The following ATRNL1 variants were observed in gnomAD, a reference collection of about 807,000 sequenced individuals.
ATRNL1 encodes attractin like 1, also known as attractin-like protein 1.
A neutral mutation model predicts 182.7 loss-of-function variants in ATRNL1; 95 were observed. The observed-to-expected ratio is 0.52, with a 90% confidence interval of 0.44 to 0.62. ATRNL1 has a LOEUF of 0.62. Ranked by LOEUF, ATRNL1 falls within the 20% of genes least tolerant of loss-of-function variation. The pLI, the probability that ATRNL1 is intolerant of heterozygous loss-of-function variation, is 0.00. For missense variants in ATRNL1, 1,471 were observed against 1,679.5 expected (o/e 0.88, Z 2.17); for synonymous variants, 576 against 568.3 (o/e 1.01, Z -0.19).
intron 26 of ATRNL1, among the ~76,000 whole-genome samples, chr10:115,700,277 G>A (rs1946691186): frequency 6.6e-6 from 1 of 152,082 alleles, no homozygotes; most frequent in South Asian, 2.1e-4. Flanking sequence ...GCTTTCCACA[G>A]TGGCTGAGCT....
At chr10:115,369,091 C>G (rs1313477097) in intron 19 of ATRNL1, among the ~76,000 whole-genome samples, 1 of 152,088 alleles carries the variant, frequency 6.6e-6, no homozygotes, top group African/African-American at 2.4e-5. Context: ...CTTATTTTCA[C>G]ATAAAATAAT....
At chr10:115,302,498 G>T (rs558235624) in intron 17 of ATRNL1, among the ~76,000 whole-genome samples, 11 of 152,124 alleles carry the variant, frequency 7.2e-5, no homozygotes, top group Non-Finnish European at 1.6e-4. Flanking sequence ...CTCATGATTA[G>T]ATTCAGGAAA....
intron 8 of ATRNL1, among the ~76,000 whole-genome samples, chr10:115,193,039 C>G (rs1848227714): frequency 6.6e-6 from 1 of 151,872 alleles, no homozygotes; most frequent in Admixed American, 6.6e-5. Flanking sequence ...TTCTTTCTTT[C>G]TATTTAGGAT....
chr10:115,663,301 C>T (rs1403455736), intron 26 of ATRNL1, among the ~76,000 whole-genome samples: 1 of 152,036 alleles, frequency 6.6e-6, no homozygotes, highest in Non-Finnish European at 1.5e-5. Flanking sequence ...CTTGAAAGCT[C>T]ATACACTAGA....
intron 25 of ATRNL1, among the ~76,000 whole-genome samples, chr10:115,523,444 T>G (rs1266094902): frequency 6.6e-6 from 1 of 152,234 alleles, no homozygotes; most frequent in East Asian, 1.9e-4. Context: ...AAAACACTCT[T>G]TCCTTCTCTG....
At chr10:115,783,373 G>A (rs72826891) in intron 27 of ATRNL1, among the ~76,000 whole-genome samples, 2,423 of 152,212 alleles carry the variant, frequency 0.016, 41 homozygotes, top group Non-Finnish European at 0.025. Context: ...AATAAAAAGA[G>A]TTCAGATTTG....
chr10:115,220,988 C>T (rs1030144412), intron 9 of ATRNL1, among the ~76,000 whole-genome samples: 40 of 152,228 alleles, frequency 2.6e-4, no homozygotes, highest in South Asian at 4.2e-4. Flanking sequence ...TATTTGCAGC[C>T]ACTCCCAAGC....
intron 8 of ATRNL1, among the ~76,000 whole-genome samples, chr10:115,205,742 A>G (rs1848771023): frequency 6.6e-6 from 1 of 152,046 alleles, no homozygotes; most frequent in African/African-American, 2.4e-5. Flanking sequence ...TTACCTCATT[A>G]CAGGTACCTT....
chr10:115,312,798 CT>C (rs782623498), intron 17 of ATRNL1, among the ~76,000 whole-genome samples: 31 of 151,938 alleles, frequency 2.0e-4, no homozygotes, highest in Admixed American at 3.9e-4. Context: ...GACTTTGTTC[CT>C]TTTTTAAATT....
At chr10:115,549,815 T>C (rs553163954) in intron 26 of ATRNL1, among the ~76,000 whole-genome samples, 1 of 152,142 alleles carries the variant, frequency 6.6e-6, no homozygotes, top group Non-Finnish European at 1.5e-5. Flanking sequence ...AAAAATTTTG[T>C]AATATATTTA....
chr10:115,869,072 G>A (rs944117519), intron 28 of ATRNL1, among the ~76,000 whole-genome samples: 12 of 151,734 alleles, frequency 7.9e-5, no homozygotes, highest in Non-Finnish European at 1.6e-4. Context: ...CTCGTGATCC[G>A]CCCGCCTCGG....
At chr10:115,648,610 T>C (rs1192840820) in intron 26 of ATRNL1, among the ~76,000 whole-genome samples, 1 of 152,088 alleles carries the variant, frequency 6.6e-6, no homozygotes, top group Non-Finnish European at 1.5e-5. Flanking sequence ...AACAGAGATA[T>C]AGACCAACGA....
chr10:115,424,837 G>T (rs2134389886), intron 20 of ATRNL1, among the ~76,000 whole-genome samples: 1 of 152,014 alleles, frequency 6.6e-6, no homozygotes, highest in Non-Finnish European at 1.5e-5. Flanking sequence ...GGGAGAGATT[G>T]GTCAATTTAT....
chr10:115,308,165 T>G (rs1554926797), intron 17 of ATRNL1, among the ~76,000 whole-genome samples: 2 of 152,174 alleles, frequency 1.3e-5, no homozygotes, highest in Admixed American at 1.3e-4. Context: ...TATTGTGATA[T>G]CATTGTTTAA....
chr10:115,357,973 T>C (rs1856574872), intron 19 of ATRNL1, among the ~76,000 whole-genome samples: 1 of 151,662 alleles, frequency 6.6e-6, no homozygotes, highest in African/African-American at 2.4e-5. Context: ...TATTCCATCT[T>C]TTCCCTCTGC....
rs531450926 is a variant in ATRNL1 at position 115,452,824 on chromosome 10, C to T, written c.3323-9117C>T. ...ATTTTGCATAACTGAAGCTTTGTAC[C>T]CTTTGAGTAACCCTTCCCCTTTTCT... On this transcript the variant is annotated intron_variant, in intron 21 of 28. Coordinates refer to ENST00000355044, the MANE Select transcript of ATRNL1 (RefSeq NM_207303.4). 3.9e-5 allele frequency among the ~76,000 whole-genome samples: 6 copies of T among 151,990 alleles called. No homozygotes were observed. In the East Asian group the frequency reaches 1.2e-3, roughly 29 times the overall value.
chr10:115,413,961 G>A (rs1440752909), intron 20 of ATRNL1, among the ~76,000 whole-genome samples: 1 of 151,962 alleles, frequency 6.6e-6, no homozygotes, highest in African/African-American at 2.4e-5. Flanking sequence ...ACATATGCAT[G>A]TATATACACA....
At chr10:115,567,060 C>A (rs1350579799) in intron 26 of ATRNL1, among the ~76,000 whole-genome samples, 1 of 152,112 alleles carries the variant, frequency 6.6e-6, no homozygotes, top group Non-Finnish European at 1.5e-5. Context: ...TCAAGAGCCT[C>A]CTGTTTGCTT....
intron 26 of ATRNL1, among the ~76,000 whole-genome samples, chr10:115,625,687 T>C (rs553869780): frequency 2.6e-5 from 4 of 152,168 alleles, no homozygotes; most frequent in African/African-American, 9.6e-5. Flanking sequence ...AGTCCCTGAG[T>C]TCCTAGAACT....
Sources: gnomAD v4.1 joint callset for allele counts (sites outside exome capture counted in the v4.1 genomes callset) on GRCh38, gnomAD v4.1.1 for gene constraint, MANE v1.5 for transcripts, NCBI Gene and HGNC (gene_info 2026-07-23, HGNC 2026-07-21) for gene names.